RPS6KA2: variants seen among roughly 807,000 people sequenced by gnomAD.
RPS6KA2 encodes ribosomal protein S6 kinase A2, also known as ribosomal protein S6 kinase alpha-2.
A neutral mutation model predicts 91.8 loss-of-function variants in RPS6KA2; 42 were observed. The observed-to-expected ratio is 0.46, with a 90% CI of 0.36 to 0.59. The LOEUF (loss-of-function observed/expected upper bound fraction) is 0.59, where lower values mean the gene tolerates loss of function less well. Ranked by LOEUF, RPS6KA2 falls within the 20% of genes least tolerant of loss-of-function variation. RPS6KA2 has a pLI of 0.00. For missense variants in RPS6KA2, 798 were observed against 978.5 expected (o/e 0.82, Z 2.46); for synonymous variants, 414 against 393.6 (o/e 1.05, Z -0.61).
chr6:166,432,502 A>T lies in RPS6KA2; in HGVS notation c.1333-12T>A. 6.4e-7 allele frequency: 1 copy of T among 1,569,654 alleles called. No homozygotes were observed. The highest frequency in any genetic ancestry group is 8.8e-7 in the Non-Finnish European group (1 of 1,139,934). On this transcript the variant is annotated splice_polypyrimidine_tract_variant and intron_variant, in intron 14 of 20. Transcript: ENST00000265678. ...CTCTTATCAATGATCTGGAACAAAC[A>T]CAGCACATGGCAGTGAGGGGTCTAC...
chr6:166,556,362 C>T (rs1035557999), intron 1 of RPS6KA2, among the ~76,000 whole-genome samples: 12 of 152,198 alleles, frequency 7.9e-5, no homozygotes, highest in South Asian at 6.2e-4. Flanking sequence ...CTTGTAAGTC[C>T]CTAATGACTT....
At chr6:166,464,013 G>A (rs1008713364) in intron 11 of RPS6KA2, among the ~76,000 whole-genome samples, 1 of 152,170 alleles carries the variant, frequency 6.6e-6, no homozygotes, top group African/African-American at 2.4e-5. Flanking sequence ...TGCTCCTAGT[G>A]TATATAATGT....
chr6:166,543,799 C>T (rs1278890365), intron 1 of RPS6KA2, among the ~76,000 whole-genome samples: 2 of 152,260 alleles, frequency 1.3e-5, no homozygotes, highest in East Asian at 1.9e-4. Context: ...CCATCCATCA[C>T]AGGCAACTGT....
At chr6:166,447,878 G>A (rs1779729609) in intron 14 of RPS6KA2, among the ~76,000 whole-genome samples, 1 of 152,210 alleles carries the variant, frequency 6.6e-6, no homozygotes, top group African/African-American at 2.4e-5. Flanking sequence ...GCGACAGCCT[G>A]GGGTTTGGCT....
intron 3 of RPS6KA2, among the ~76,000 whole-genome samples, chr6:166,514,536 C>T (rs1432893414): frequency 6.6e-6 from 1 of 152,186 alleles, no homozygotes; most frequent in Non-Finnish European, 1.5e-5. Context: ...TCAGGGATGC[C>T]AGTGGGCTGG....
At chr6:166,542,789 C>T (rs116640225) in intron 1 of RPS6KA2, among the ~76,000 whole-genome samples, 55 of 152,262 alleles carry the variant, frequency 3.6e-4, no homozygotes, top group African/African-American at 1.3e-3. Context: ...CTTCTTAGGT[C>T]ATTTCCTCTG....
intron 2 of RPS6KA2, among the ~76,000 whole-genome samples, chr6:166,747,502 C>G (rs1791057710): frequency 6.6e-6 from 1 of 152,212 alleles, no homozygotes; most frequent in African/African-American, 2.4e-5. Flanking sequence ...CATCGCATGT[C>G]TTAGTGACAC....
intron 1 of RPS6KA2, among the ~76,000 whole-genome samples, chr6:166,578,313 T>C (rs1784902738): frequency 6.6e-6 from 1 of 152,154 alleles, no homozygotes. Context: ...ACATGTACTG[T>C]CCTTGAGCTT....
intron 1 of RPS6KA2, among the ~76,000 whole-genome samples, chr6:166,542,805 A>C (rs766017169): frequency 1.6e-4 from 24 of 152,166 alleles, no homozygotes; most frequent in Non-Finnish European, 2.9e-4. Flanking sequence ...CTCTGCTCTG[A>C]ATCACCTGCT....
At position 166,419,870 on chromosome 6, in the gene RPS6KA2, G is replaced by A. The variant is rs773725789; in HGVS notation, c.1820+12C>T. The A allele has an allele frequency of 1.9e-6, 3 of 1,612,010 alleles. No homozygotes were observed. Among genetic ancestry groups the A allele is most frequent in the Admixed American group, 1.7e-5 (1 of 60,008 alleles). The stretch of plus-strand genomic sequence containing the variant: ...TGTCTCCTCCTGACACCTGTTTGAG[G>A]TGACTGCTTACCCTGCCAGCATGGT... On this transcript the variant is annotated intron_variant, in intron 18 of 20. Transcript: ENST00000265678. The surrounding 1 kb of genome is among the most constrained non-coding windows in gnomAD (Gnocchi z 5.6).
intron 1 of RPS6KA2, chr6:166,542,452 T>A (rs563433417): frequency 6.6e-6 from 1 of 152,348 alleles, no homozygotes; most frequent in African/African-American, 2.4e-5. Context: ...GTAAACAGTA[T>A]TTTTAAAGCT....
chr6:166,472,936 A>C (rs1207988169), intron 10 of RPS6KA2, among the ~76,000 whole-genome samples: 1 of 152,210 alleles, frequency 6.6e-6, no homozygotes, highest in African/African-American at 2.4e-5. Context: ...TTTGTCGTTA[A>C]GTTCCTTAAT....
At chr6:166,682,837 G>A (rs1374015039) in intron 2 of RPS6KA2, among the ~76,000 whole-genome samples, 2 of 152,176 alleles carry the variant, frequency 1.3e-5, no homozygotes, top group African/African-American at 4.8e-5. Flanking sequence ...CCATGCATTT[G>A]ACCACATCCT....
At chr6:166,836,697 T>A (rs1358841145) in intron 2 of RPS6KA2, among the ~76,000 whole-genome samples, 1 of 152,228 alleles carries the variant, frequency 6.6e-6, no homozygotes, top group Non-Finnish European at 1.5e-5. Flanking sequence ...CTTTCAAGTC[T>A]CGTCTGTTGG....
intron 2 of RPS6KA2, among the ~76,000 whole-genome samples, chr6:166,532,015 C>T (rs912431975): frequency 6.6e-6 from 1 of 151,998 alleles, no homozygotes; most frequent in Non-Finnish European, 1.5e-5. Flanking sequence ...GAAAATAGTA[C>T]TTGATTTTCC....
intron 2 of RPS6KA2, among the ~76,000 whole-genome samples, chr6:166,747,940 C>T (rs1489782559): frequency 6.6e-6 from 1 of 152,182 alleles, no homozygotes; most frequent in Non-Finnish European, 1.5e-5. Context: ...AGAGCAGACA[C>T]AGGCACTGTG....
At chr6:166,574,877 G>C (rs1784793373) in intron 1 of RPS6KA2, among the ~76,000 whole-genome samples, 1 of 152,180 alleles carries the variant, frequency 6.6e-6, no homozygotes, top group Admixed American at 6.5e-5. Context: ...AATGAAACTT[G>C]TATTACCTAC....
At chr6:166,452,890 T>C (rs1020613085) in intron 12 of RPS6KA2, among the ~76,000 whole-genome samples, 19 of 152,262 alleles carry the variant, frequency 1.2e-4, no homozygotes, top group African/African-American at 4.3e-4. Flanking sequence ...GACATGGGTC[T>C]AGCGAAAGAC....
chr6:166,537,085 T>C (rs985310259), intron 2 of RPS6KA2, among the ~76,000 whole-genome samples: 1 of 152,252 alleles, frequency 6.6e-6, no homozygotes, highest in Non-Finnish European at 1.5e-5. Flanking sequence ...TGTAACAGAA[T>C]TGGTCAACCA....
Sources: gnomAD v4.1 joint callset for allele counts (sites outside exome capture counted in the v4.1 genomes callset) on GRCh38, gnomAD v4.1.1 for gene constraint, Gnocchi (gnomAD v3.1) non-coding constraint, MANE v1.5 for transcripts, NCBI Gene and HGNC (gene_info 2026-07-23, HGNC 2026-07-21) for gene names.